PBX4: variants seen among roughly 807,000 people sequenced by gnomAD.
PBX4 encodes the protein PBX homeobox 4, also known as pre-B-cell leukemia transcription factor 4.
A neutral mutation model predicts 35.1 loss-of-function variants in PBX4; 26 were observed. The observed-to-expected ratio is 0.74, with a 90% CI of 0.54 to 1.03. The LOEUF (loss-of-function observed/expected upper bound fraction) is 1.03. PBX4 is among the 50% of genes least tolerant of loss of function. The pLI is 0.00. For synonymous variants in PBX4, 199 were observed against 204.2 expected, an observed-to-expected ratio of 0.97 and a Z score of 0.22; for missense variants, 448 against 504.3, an observed-to-expected ratio of 0.89 and a Z score of 1.07.
At chr19:19,596,529 C>T (rs1366278254) in intron 2 of PBX4, among the ~76,000 whole-genome samples, 2 of 152,020 alleles carry the variant, frequency 1.3e-5, no homozygotes, top group Non-Finnish European at 2.9e-5. Context: ...AGCTCTGTGT[C>T]CTAAGAGTGT....
chr19:19,565,891 G>A (rs1219127978), intron 5 of PBX4, among the ~76,000 whole-genome samples: 3 of 151,808 alleles, frequency 2.0e-5, no homozygotes, highest in Non-Finnish European at 4.4e-5. Flanking sequence ...ATTTAGCCTG[G>A]GCAACAGAGT....
At chr19:19,568,905 C>T (rs769476397) in intron 5 of PBX4, among the ~76,000 whole-genome samples, 5 of 152,248 alleles carry the variant, frequency 3.3e-5, no homozygotes, top group East Asian at 1.9e-4. Flanking sequence ...CCATCTGCAT[C>T]GCTCAGGAAG....
chr19:19,579,699 C>T lies in PBX4; in HGVS notation c.194-8866G>A, dbSNP rs975767043. 2.0e-5 allele frequency: 3 copies of T among 152,364 alleles called. No individual in the cohort carries two copies. In the South Asian group the frequency reaches 6.2e-4, roughly 32 times the overall value. The allele number at this position is 152,364 out of a possible 1,614,324, so 9.4% of individuals were successfully genotyped here. A position where few individuals can be genotyped will look rare whatever the true frequency, so the allele number is the denominator to read the frequency against. ...TGCCACTTTCCAGTCATGTGGCTGT[C>T]AGTGGTCACTCCGCTGGCCGCAAGC... On this transcript the variant is annotated intron_variant, in intron 2 of 7. Coordinates refer to ENST00000251203, the MANE Select transcript of PBX4 (RefSeq NM_025245.3).
At chr19:19,571,817 G>A (rs1022764167) in intron 2 of PBX4, among the ~76,000 whole-genome samples, 1 of 152,012 alleles carries the variant, frequency 6.6e-6, no homozygotes, top group Non-Finnish European at 1.5e-5. Context: ...CGGATCACTT[G>A]AGGTCAGGAG....
chr19:19,588,279 A>C, intron 2 of PBX4: 1 of 1,176,756 alleles, frequency 8.5e-7, no homozygotes, highest in Non-Finnish European at 1.3e-6. Flanking sequence ...TACATTCATC[A>C]CATATGCACA....
chr19:19,582,857 C>T (rs139249988), intron 2 of PBX4, among the ~76,000 whole-genome samples: 5 of 152,238 alleles, frequency 3.3e-5, no homozygotes, highest in Admixed American at 6.5e-5. Flanking sequence ...ACGTTCCCCC[C>T]ACCTGTCTGA....
intron 5 of PBX4, among the ~76,000 whole-genome samples, chr19:19,566,882 G>T (rs1414920419): frequency 6.6e-6 from 1 of 152,040 alleles, no homozygotes; most frequent in Non-Finnish European, 1.5e-5. Context: ...GCTAATTTTT[G>T]TATTTCCAGT....
intron 6 of PBX4, 183 bp downstream of exon 6, chr19:19,564,750 G>A (rs986361534): frequency 1.8e-5 from 13 of 715,766 alleles, no homozygotes; most frequent in Non-Finnish European, 3.0e-5. Context: ...CAAAGCACAG[G>A]TATCTGTTGG....
At chr19:19,600,141 C>CAATAAG (rs1555739588) in intron 1 of PBX4, among the ~76,000 whole-genome samples, 1 of 149,382 alleles carries the variant, frequency 6.7e-6, no homozygotes, top group Non-Finnish European at 1.5e-5. Context: ...GACTCTGTCT[C>CAATAAG]AATAATAATA....
At position 19,565,080 on chromosome 19, in the gene PBX4, A is replaced by C. The variant is rs1018838985; in HGVS notation, c.778T>G (p.Trp260Gly). The stretch of plus-strand genomic sequence containing the variant: ...TACCGGATTCTTTTGTTGCCAAACC[A>C]GTTAGAGACCTGCGGACACACAGGA... ...GGLTISQVSNWFGNKRIRYKK... is the reference protein window; with the variant it reads ...GGLTISQVSNGFGNKRIRYKK... Residue 260 changes from tryptophan to glycine, a missense_variant, in exon 6 of 8, where the codon TGG (tryptophan) becomes GGG (glycine). Trp to Gly is a radical substitution (Grantham distance 184). Coordinates refer to ENST00000251203, the MANE Select transcript of PBX4 (RefSeq NM_025245.3). 4 of 1,614,076 alleles carry C rather than the reference A, an allele frequency of 2.5e-6. No individual in the cohort carries two copies. Among genetic ancestry groups the C allele is most frequent in the Non-Finnish European group, 3.4e-6 (4 of 1,180,046 alleles).
In PBX4 at chr19:19,563,696, G is replaced by A; in HGVS notation, c.926-81C>T. 1.6e-6 allele frequency: 2 copies of A among 1,216,852 alleles called. No homozygotes were observed. Among genetic ancestry groups the A allele is most frequent in the Non-Finnish European group, 2.4e-6 (2 of 846,892 alleles). 75.4% of individuals were successfully genotyped at this position (1,216,852 alleles called of 1,614,324 possible). A position where few individuals can be genotyped will look rare whatever the true frequency, so the allele number is the denominator to read the frequency against. On this transcript the variant is annotated intron_variant, in intron 6 of 7. Transcript: ENST00000251203. This position sits in a 1 kb window ranked among gnomAD's most constrained non-coding sequence, Gnocchi z 5.1. ...CCACCCAGCCCCTCAGCCGGCAGGAGGCCTCGAATGTGGCTCCTGCCCCTC... is the reference window on the plus strand; with the variant it reads ...CCACCCAGCCCCTCAGCCGGCAGGAAGCCTCGAATGTGGCTCCTGCCCCTC...
intron 1 of PBX4, 38 bp downstream of exon 1, chr19:19,618,473 C>A: frequency 7.1e-7 from 1 of 1,398,874 alleles, no homozygotes; most frequent in Non-Finnish European, 9.3e-7. Context: ...CTCACTGCCA[C>A]GACCCTGCGT....
intron 5 of PBX4, among the ~76,000 whole-genome samples, chr19:19,567,136 A>T (rs2061347577): frequency 6.6e-6 from 1 of 152,154 alleles, no homozygotes; most frequent in African/African-American, 2.4e-5. Context: ...CTCTTGATCC[A>T]CATGGGAGGC....
At position 19,564,247 on chromosome 19, in the gene PBX4, G is replaced by A. The variant is rs139522236; in HGVS notation, c.926-632C>T. ...TATGAGTGAGAATATGCGGTGTTTG[G>A]TTTTTTGTTCTTGCGATAGTTTACT... On this transcript the variant is annotated intron_variant, in intron 6 of 7. Transcript: ENST00000251203. Among the ~76,000 whole-genome samples the A allele has an allele frequency of 2.3e-3, 342 of 148,456 alleles. 1 individual carries two copies. In the South Asian group the frequency reaches 0.032, roughly 14 times the overall value.
chr19:19,599,140 T>G (rs944946313), intron 2 of PBX4, 152 bp downstream of exon 2: 6 of 588,952 alleles, frequency 1.0e-5, no homozygotes, highest in Non-Finnish European at 1.8e-5. Flanking sequence ...GGCTAATTTT[T>G]GTATTTTTAA....
chr19:19,579,337 C>T (rs1032726659), intron 2 of PBX4, among the ~76,000 whole-genome samples: 5 of 150,110 alleles, frequency 3.3e-5, no homozygotes, highest in African/African-American at 7.4e-5. Flanking sequence ...AGTGAGACTC[C>T]GTCTCAAAAA....
intron 1 of PBX4, among the ~76,000 whole-genome samples, chr19:19,612,584 G>C (rs2061668260): frequency 6.6e-6 from 1 of 152,166 alleles, no homozygotes; most frequent in African/African-American, 2.4e-5. Context: ...GTGAGGAGCT[G>C]TATTTCCTCC....
chr19:19,564,325 T>C lies in PBX4; in HGVS notation c.925+608A>G, dbSNP rs187841078. On this transcript the variant is annotated intron_variant, in intron 6 of 7. Coordinates refer to ENST00000251203, the MANE Select transcript of PBX4 (RefSeq NM_025245.3). ...TGTCCCTACAAAGGACATGAACTCA[T>C]CATTTTTTATGGCTGCATAGTATTC... 6.5e-3 allele frequency among the ~76,000 whole-genome samples: 981 copies of C among 151,758 alleles called. 6 individuals carry two copies. Among genetic ancestry groups the C allele is most frequent in the Non-Finnish European group, 9.0e-3 (614 of 67,952 alleles).
At chr19:19,590,421 G>A (rs563230604) in intron 2 of PBX4, among the ~76,000 whole-genome samples, 5 of 151,610 alleles carry the variant, frequency 3.3e-5, no homozygotes, top group African/African-American at 1.2e-4. Context: ...CTTTATGGCT[G>A]AATAATACTC....
Sources: gnomAD v4.1 joint callset for allele counts (sites outside exome capture counted in the v4.1 genomes callset) on GRCh38, gnomAD v4.1.1 for gene constraint, Gnocchi (gnomAD v3.1) non-coding constraint, MANE v1.5 for transcripts, NCBI Gene and HGNC (gene_info 2026-07-23, HGNC 2026-07-21) for gene names.